The following KCNA7 variants were observed in gnomAD, a reference collection of about 807,000 sequenced individuals.
The protein encoded by KCNA7 is potassium channel, voltage gated shaker related subfamily A, member 7.
In KCNA7, 15 loss-of-function variants were observed where a neutral mutation model predicts 21.5. The observed-to-expected ratio is 0.70, with a 90% CI of 0.47 to 1.07. The LOEUF is 1.07. Among genes scored for constraint, KCNA7 ranks in the 50% least tolerant of loss-of-function variants. The probability of loss-of-function intolerance (pLI) is 0.00; values close to 1 mark genes in which losing one functional copy is unlikely to be tolerated. For synonymous variants in KCNA7, 298 were observed against 291.0 expected, an observed-to-expected ratio of 1.02 and a Z score of -0.24; for missense variants, 640 against 651.6, an observed-to-expected ratio of 0.98 and a Z score of 0.19.
At position 49,070,105 on chromosome 19, in the gene KCNA7, TG is replaced by T. The variant is rs760396855; in HGVS notation, c.1328del (p.Pro443HisfsTer71). ...GGTGTTTCCCTGGGGGTGCCCAGAG[TG>T]GAGGTGGTAGCTCAGGTACCTCCCC... The part of the protein sequence containing the change: ...VDGEVPELPP[P>X]LWAPPGKHLV... On this transcript the variant is annotated frameshift_variant, in exon 2 of 2. Coordinates refer to ENST00000221444, the MANE Select transcript of KCNA7 (RefSeq NM_031886.3). LOFTEE classifies it high-confidence loss of function. This position sits in a 1 kb window ranked among gnomAD's most constrained non-coding sequence, Gnocchi z 4.3. The T allele has an allele frequency of 1.4e-3, 2,321 of 1,612,422 alleles. 2 individuals are homozygous for T. The highest frequency in any genetic ancestry group is 1.8e-3 in the Non-Finnish European group (2,163 of 1,179,148).
At position 49,072,600 on chromosome 19, in the gene KCNA7, CG is replaced by C; in HGVS notation, c.-16del. 8.2e-7 allele frequency: 1 copy of C among 1,214,694 alleles called. No homozygotes were observed. 75.2% of individuals were successfully genotyped at this position (1,214,694 alleles called of 1,614,324 possible). On this transcript the variant is annotated 5_prime_UTR_variant, in exon 1 of 2. Coordinates refer to ENST00000221444, the MANE Select transcript of KCNA7 (RefSeq NM_031886.3). Reference sequence around the variant, plus strand: ...CGCGGCTCCATGGCGCGCGCAGCCCCGGCGACCCGCGAACCGACGTGTGGCC... The same window carrying C: ...CGCGGCTCCATGGCGCGCGCAGCCCCGCGACCCGCGAACCGACGTGTGGCC...
At position 49,072,500 on chromosome 19, in the gene KCNA7, C is replaced by G; in HGVS notation, c.86G>C (p.Arg29Pro). ...VAGLRFETRA[R>P]TLGRFPDTLL... is the part of the protein sequence containing the mutation. ...AGTGTCCGGGAAGCGGCCCAGCGTG[C>G]GCGCCCGCGTCTCGAAGCGCAGCCC... is the stretch of plus-strand genomic sequence containing the variant. Residue 29 changes from arginine to proline, a missense_variant, in exon 1 of 2, where the codon CGC (arginine) becomes CCC (proline). Physicochemically the swap from Arg to Pro is moderately radical, Grantham distance 103. Coordinates refer to ENST00000221444, the MANE Select transcript of KCNA7 (RefSeq NM_031886.3). 1 of 1,493,928 alleles carries G rather than the reference C, an allele frequency of 6.7e-7. No homozygotes were observed. Among genetic ancestry groups the G allele is most frequent in the Non-Finnish European group, 8.8e-7 (1 of 1,133,194 alleles). 92.5% of individuals were successfully genotyped at this position (1,493,928 alleles called of 1,614,324 possible). A position where few individuals can be genotyped will look rare whatever the true frequency, so the allele number is the denominator to read the frequency against.
At position 49,068,401 on chromosome 19, in the gene KCNA7, C is replaced by T. The variant is rs945101052; in HGVS notation, c.*1662G>A. The T allele has an allele frequency of 1.3e-5, 2 of 152,232 alleles. No individual in the cohort carries two copies. Among genetic ancestry groups the T allele is most frequent in the African/African-American group, 4.8e-5 (2 of 41,420 alleles). The allele number at this position is 152,232 out of a possible 1,614,324, so 9.4% of individuals were successfully genotyped here. ...AATCATGGCTCAATGCAGCCTCTAC[C>T]TCTCAGGGTCAAGGGATCTTTCTGC... On this transcript the variant is annotated 3_prime_UTR_variant, in exon 2 of 2. Transcript: ENST00000221444.
Position 49,072,667 on chromosome 19 carries a change from G to GGCCGCC in KCNA7, c.-88_-83dup, listed in dbSNP as rs566342074. On this transcript the variant is annotated 5_prime_UTR_variant, in exon 1 of 2. Transcript: ENST00000221444. ...GGTGCGGCCCCGCCTCGGCCGCCTC[G>GGCCGCC]GCCGCCGCCGCCGCCGCCCCAGCCC... 1.5e-3 allele frequency: 1,414 copies of GGCCGCC among 915,296 alleles called. 4 individuals carry two copies. Among genetic ancestry groups the GGCCGCC allele is most frequent in the Non-Finnish European group, 1.8e-3 (1,348 of 766,844 alleles). The allele number at this position is 915,296 out of a possible 1,614,324, so 56.7% of individuals were successfully genotyped here.
chr19:49,071,498 G>T (rs551591177), intron 1 of KCNA7, among the ~76,000 whole-genome samples: 1 of 151,974 alleles, frequency 6.6e-6, no homozygotes, highest in Non-Finnish European at 1.5e-5. Flanking sequence ...AGACCTTGCA[G>T]TGAGCCGAGA....
At position 49,072,693 on chromosome 19, in the gene KCNA7, G is replaced by T; in HGVS notation, c.-108C>A. On this transcript the variant is annotated 5_prime_UTR_variant, in exon 1 of 2. Transcript: ENST00000221444. ...GCCGCCGCCGCCGCCGCCCCAGCCC[G>T]GTGTCCGGTGTCCGGTGTCCGCGCG... The T allele has an allele frequency of 1.8e-6, 1 of 559,016 alleles. No homozygotes were observed. The highest frequency in any genetic ancestry group is 2.1e-6 in the Non-Finnish European group (1 of 468,080). The allele number at this position is 559,016 out of a possible 1,614,324, so 34.6% of individuals were successfully genotyped here.
Position 49,070,623 on chromosome 19 carries a change from C to A in KCNA7, c.811G>T (p.Ala271Ser). The change falls in exon 2 of 2, where the codon GCC becomes TCC. Residue 271 changes from alanine (A) to serine (S), a missense_variant. Ala to Ser is a moderately conservative substitution (Grantham distance 99, BLOSUM62 1). Transcript: ENST00000221444. The surrounding 1 kb of genome is among the most constrained non-coding windows in gnomAD (Gnocchi z 4.3). Reference sequence around the variant, plus strand: ...ACTCTCAGGATGGCCAGTGACATGGCCTGCTGGCCCACCCCTCGCTGCCGG... The same window carrying A: ...ACTCTCAGGATGGCCAGTGACATGGACTGCTGGCCCACCCCTCGCTGCCGG... Reference protein sequence around the residue: ...LARQRGVGQQAMSLAILRVIR... With the variant: ...LARQRGVGQQSMSLAILRVIR... The A allele has an allele frequency of 1.2e-6, 2 of 1,614,204 alleles. No individual in the cohort carries two copies. The highest frequency in any genetic ancestry group is 1.7e-6 in the Non-Finnish European group (2 of 1,180,040).
Position 49,072,480 on chromosome 19 carries a change from C to A in KCNA7, c.106G>T (p.Asp36Tyr). 6.5e-7 allele frequency: 1 copy of A among 1,541,268 alleles called. No individual in the cohort carries two copies. The highest frequency in any genetic ancestry group is 8.7e-7 in the Non-Finnish European group (1 of 1,154,742). The change falls in exon 1 of 2, where the codon GAC (aspartate) becomes TAC (tyrosine). Residue 36 changes from aspartate (D) to tyrosine (Y), a missense_variant. Transcript: ENST00000221444. ...TRARTLGRFP[D>Y]TLLGDPARRG... is the part of the protein sequence containing the mutation. ...CGCGCTGGGTCCCCTAGCAGAGTGT[C>A]CGGGAAGCGGCCCAGCGTGCGCGCC... is the stretch of plus-strand genomic sequence containing the variant.
Position 49,070,023 on chromosome 19 carries a change from C to T in KCNA7, c.*40G>A. 1 of 1,514,296 alleles carries T rather than the reference C, an allele frequency of 6.6e-7. No individual in the cohort carries two copies. The highest frequency in any genetic ancestry group is 1.2e-5 in the South Asian group (1 of 81,204). The allele number at this position is 1,514,296 out of a possible 1,614,324, so 93.8% of individuals were successfully genotyped here. On this transcript the variant is annotated 3_prime_UTR_variant, in exon 2 of 2. Transcript: ENST00000221444. This position sits in a 1 kb window ranked among gnomAD's most constrained non-coding sequence, Gnocchi z 4.3. ...CCTCCACCCTGCCCTCCCTCCCTCC[C>T]TCTAGGGAGGTGTGAGGTCCTGCAG...
Position 49,072,328 on chromosome 19 carries a change from G to C in KCNA7, c.258C>G (p.Leu86=). The C allele has an allele frequency of 6.3e-7, 1 of 1,591,556 alleles. No individual in the cohort carries two copies. The highest frequency in any genetic ancestry group is 8.5e-7 in the Non-Finnish European group (1 of 1,173,518). ...AGGCCACCTCTTCCAGGAAGACGTC[G>C]AGCGGCACGTGCGCCGGCCGCCGCA... ...GRLRRPAHVP[L]DVFLEEVAFY... The change falls in exon 1 of 2, where the codon CTC becomes CTG. Residue 86 remains leucine (L), a synonymous_variant. Transcript: ENST00000221444.
In KCNA7 at chr19:49,069,276, A is replaced by G. The variant is rs1157740381; in HGVS notation, c.*787T>C. The G allele has an allele frequency of 6.6e-6, 1 of 152,230 alleles. No homozygotes were observed. The highest frequency in any genetic ancestry group is 1.5e-5 in the Non-Finnish European group (1 of 68,064). The allele number at this position is 152,230 out of a possible 1,614,324, so 9.4% of individuals were successfully genotyped here. ...ATTCAGCATGGCCCTATGAGACTCA[A>G]ACAGTGGCATGACCCAACTGAACTG... On this transcript the variant is annotated 3_prime_UTR_variant, in exon 2 of 2. Coordinates refer to ENST00000221444, the MANE Select transcript of KCNA7 (RefSeq NM_031886.3).
rs906799198 is a variant in KCNA7, at chr19:49,069,827, T to C, written c.*236A>G. 1.8e-5 allele frequency: 10 copies of C among 541,288 alleles called. No individual in the cohort carries two copies. The highest frequency in any genetic ancestry group is 5.1e-5 in the South Asian group (2 of 39,456). The allele number at this position is 541,288 out of a possible 1,614,324, so 33.5% of individuals were successfully genotyped here. On this transcript the variant is annotated 3_prime_UTR_variant, in exon 2 of 2. Transcript: ENST00000221444. ...CACAACTCAGAGTAATATGAACCAATTGAGTCTTCATTAACACAACACAAC... is the reference window on the plus strand; with the variant it reads ...CACAACTCAGAGTAATATGAACCAACTGAGTCTTCATTAACACAACACAAC...
At chr19:49,071,177 A>C (rs1285652875) in intron 1 of KCNA7, among the ~76,000 whole-genome samples, 1 of 152,060 alleles carries the variant, frequency 6.6e-6, no homozygotes, top group Non-Finnish European at 1.5e-5. Flanking sequence ...TCCCGCCTCC[A>C]GTGTTGATTT....
At position 49,069,771 on chromosome 19, in the gene KCNA7, A is replaced by G. The variant is rs1385082222; in HGVS notation, c.*292T>C. The G allele has an allele frequency of 2.6e-6, 1 of 389,956 alleles. No individual in the cohort carries two copies. The highest frequency in any genetic ancestry group is 4.3e-5 in the Admixed American group (1 of 23,346). 24.2% of individuals were successfully genotyped at this position (389,956 alleles called of 1,614,324 possible). A position where few individuals can be genotyped will look rare whatever the true frequency, so the allele number is the denominator to read the frequency against. On this transcript the variant is annotated 3_prime_UTR_variant, in exon 2 of 2. Coordinates refer to ENST00000221444, the MANE Select transcript of KCNA7 (RefSeq NM_031886.3). ...AAAATGATACGACCAAACCTATCTC[A>G]ACACTACCCCAAAAGGCTCCATGAG...
rs924280026 is a variant in KCNA7 at position 49,067,605 on chromosome 19, G to C, written c.*2458C>G. 3 of 152,206 alleles carry C rather than the reference G, an allele frequency of 2.0e-5. No individual in the cohort carries two copies. The highest frequency in any genetic ancestry group is 4.8e-5 in the African/African-American group (2 of 41,442). 9.4% of individuals were successfully genotyped at this position (152,206 alleles called of 1,614,324 possible). A position where few individuals can be genotyped will look rare whatever the true frequency, so the allele number is the denominator to read the frequency against. On this transcript the variant is annotated 3_prime_UTR_variant, in exon 2 of 2. Transcript: ENST00000221444. ...CCCCGTCTGTAAGAAATGAGGCTAC[G>C]GGACTCAGGAGGACCCGTGTGTCCC...
chr19:49,071,915 C>A, intron 1 of KCNA7, 116 bp downstream of exon 1: 30 of 518,138 alleles, frequency 5.8e-5, no homozygotes, highest in East Asian at 1.2e-4. Context: ...ACCCTGTCTT[C>A]GGCTGGCCCA....
At position 49,068,469 on chromosome 19, in the gene KCNA7, C is replaced by T. The variant is rs1033894110; in HGVS notation, c.*1594G>A. 6.6e-6 allele frequency: 1 copy of T among 152,322 alleles called. No homozygotes were observed. Among genetic ancestry groups the T allele is most frequent in the Admixed American group, 6.5e-5 (1 of 15,274 alleles). The allele number at this position is 152,322 out of a possible 1,614,324, so 9.4% of individuals were successfully genotyped here. On this transcript the variant is annotated 3_prime_UTR_variant, in exon 2 of 2. Transcript: ENST00000221444. The stretch of plus-strand genomic sequence containing the variant: ...CTGGGATCACAGGCATGTGCCACCA[C>T]ACTCAGCTAATTTTTGTATTTTTTG...
intron 1 of KCNA7, among the ~76,000 whole-genome samples, chr19:49,071,121 G>A (rs901559719): frequency 1.3e-5 from 2 of 152,032 alleles, no homozygotes; most frequent in Admixed American, 6.6e-5. Flanking sequence ...CCCTTCATGC[G>A]TGGGAACTCA....
In KCNA7 at chr19:49,072,482, G is replaced by A. The variant is rs1486377393; in HGVS notation, c.104C>T (p.Pro35Leu). Residue 35 changes from proline (P) to leucine (L), a missense_variant, in exon 1 of 2, where the codon CCG (proline) becomes CTG (leucine). By Grantham distance (98) the Pro-to-Leu change is moderately conservative. Coordinates refer to ENST00000221444, the MANE Select transcript of KCNA7 (RefSeq NM_031886.3). The part of the protein sequence containing the change: ...ETRARTLGRF[P>L]DTLLGDPARR... ...CGCTGGGTCCCCTAGCAGAGTGTCC[G>A]GGAAGCGGCCCAGCGTGCGCGCCCG... 2.6e-6 allele frequency: 4 copies of A among 1,538,916 alleles called. No homozygotes were observed. The highest frequency in any genetic ancestry group is 1.7e-4 in the Middle Eastern group (1 of 5,746).
Sources: allele counts gnomAD v4.1 joint callset (sites outside exome capture counted in the v4.1 genomes callset), GRCh38; gene constraint gnomAD v4.1.1; non-coding constraint Gnocchi (gnomAD v3.1); transcripts MANE v1.5; gene names NCBI Gene and HGNC (gene_info 2026-07-23, HGNC 2026-07-21).